Variants in ANKRD44 observed in about 807,000 individuals in gnomAD.
ANKRD44 encodes the protein ankyrin repeat domain 44, also known as serine/threonine-protein phosphatase 6 regulatory ankyrin repeat subunit B.
In ANKRD44, 35 loss-of-function variants were observed where a neutral mutation model predicts 116.0. The observed-to-expected ratio is 0.30, with a 90% CI of 0.23 to 0.40. The LOEUF (loss-of-function observed/expected upper bound fraction) is 0.40. Among genes scored for constraint, ANKRD44 ranks in the 10% least tolerant of loss-of-function variants. The pLI is 1.00. For missense variants in ANKRD44, 1,014 were observed against 1,242.6 expected (o/e 0.82, Z 2.77); for synonymous variants, 435 against 461.8 (o/e 0.94, Z 0.74).
chr2:197,279,014 T>C (rs2083187175), intron 1 of ANKRD44, among the ~76,000 whole-genome samples: 1 of 152,220 alleles, frequency 6.6e-6, no homozygotes, highest in Non-Finnish European at 1.5e-5. Context: ...TCTCATGTGT[T>C]GTGAGAAGGT....
intron 1 of ANKRD44, among the ~76,000 whole-genome samples, chr2:197,300,115 A>C (rs1406436865): frequency 6.6e-6 from 1 of 152,256 alleles, no homozygotes; most frequent in Non-Finnish European, 1.5e-5. Flanking sequence ...CAACAAATGG[A>C]AACAATGAGT....
intron 2 of ANKRD44, among the ~76,000 whole-genome samples, chr2:197,149,888 A>G (rs1350763977): frequency 6.6e-6 from 1 of 152,164 alleles, no homozygotes. Context: ...GGAATAGGAG[A>G]TGGAATAGAA....
At chr2:196,972,842 T>C (rs1360778906) in intron 21 of ANKRD44, among the ~76,000 whole-genome samples, 1 of 152,242 alleles carries the variant, frequency 6.6e-6, no homozygotes, top group African/African-American at 2.4e-5. Flanking sequence ...GTTGAAAGGG[T>C]ATGTATAATT....
intron 1 of ANKRD44, among the ~76,000 whole-genome samples, chr2:197,270,918 G>A (rs924055982): frequency 6.6e-6 from 1 of 152,162 alleles, no homozygotes; most frequent in Non-Finnish European, 1.5e-5. Context: ...TCACTACAGT[G>A]GCTTTAGAAA....
intron 21 of ANKRD44, among the ~76,000 whole-genome samples, chr2:197,002,607 G>A (rs147685532): frequency 3.9e-5 from 6 of 152,294 alleles, no homozygotes; most frequent in African/African-American, 1.4e-4. Context: ...TCAATAAAGG[G>A]CCTCAGTGTG....
chr2:197,144,800 G>A (rs761907783), intron 3 of ANKRD44, among the ~76,000 whole-genome samples: 95 of 152,094 alleles, frequency 6.2e-4, no homozygotes, highest in Admixed American at 1.1e-3. Context: ...GTGAAACCAT[G>A]TTTGTCAAAC....
At chr2:197,034,796 C>T (rs565369020) in intron 16 of ANKRD44, among the ~76,000 whole-genome samples, 2 of 152,040 alleles carry the variant, frequency 1.3e-5, no homozygotes, top group South Asian at 4.2e-4. Flanking sequence ...CAAACTCCTA[C>T]TGAGAAGTGA....
At chr2:196,990,970 C>G in intron 27 of ANKRD44, 1 of 1,230,908 alleles carries the variant, frequency 8.1e-7, no homozygotes, top group South Asian at 4.1e-5. Flanking sequence ...TCCTGGGGAG[C>G]CTAGAGGAGG....
chr2:197,075,947 A>G (rs1176071707), intron 16 of ANKRD44, among the ~76,000 whole-genome samples: 1 of 152,128 alleles, frequency 6.6e-6, no homozygotes, highest in Non-Finnish European at 1.5e-5. Flanking sequence ...CCAAAGACAC[A>G]TTTCATCAGC....
At chr2:197,283,803 G>A (rs982150076) in intron 1 of ANKRD44, among the ~76,000 whole-genome samples, 1 of 152,306 alleles carries the variant, frequency 6.6e-6, no homozygotes, top group African/African-American at 2.4e-5. Flanking sequence ...GGGGCAGGGA[G>A]TAAAGCTTGG....
In ANKRD44 at chr2:197,020,774, CT is replaced by C. The variant is rs547331418; in HGVS notation, c.1722+4421del. On this transcript the variant is annotated intron_variant, in intron 17 of 27. Transcript: ENST00000282272. ...AAGCCTTATTAGGTAACAATTATTTCTTTTTTTTTATAATTATATATGGAGT... is the reference window on the plus strand; with the variant it reads ...AAGCCTTATTAGGTAACAATTATTTCTTTTTTTTATAATTATATATGGAGT... Among the ~76,000 whole-genome samples the C allele has an allele frequency of 4.6e-3, 693 of 149,962 alleles. 7 individuals are homozygous for C. Among genetic ancestry groups the C allele is most frequent in the African/African-American group, 0.016 (651 of 40,140 alleles).
chr2:196,972,344 C>T (rs1007172178), intron 21 of ANKRD44, among the ~76,000 whole-genome samples: 1 of 152,180 alleles, frequency 6.6e-6, no homozygotes, highest in African/African-American at 2.4e-5. Flanking sequence ...GCTGGGACTA[C>T]AAGCGTGTGC....
At chr2:197,210,727 G>A (rs1374423461) in intron 1 of ANKRD44, among the ~76,000 whole-genome samples, 1 of 152,198 alleles carries the variant, frequency 6.6e-6, no homozygotes, top group Non-Finnish European at 1.5e-5. Context: ...GGAATGGCAT[G>A]TGTCATCCTC....
intron 8 of ANKRD44, among the ~76,000 whole-genome samples, chr2:197,111,818 A>G (rs1323739233): frequency 6.6e-6 from 1 of 152,146 alleles, no homozygotes; most frequent in Non-Finnish European, 1.5e-5. Context: ...TTATTGTTCC[A>G]AAAGAGAATC....
chr2:197,098,132 T>C (rs1490841946), intron 10 of ANKRD44, among the ~76,000 whole-genome samples: 7 of 152,158 alleles, frequency 4.6e-5, no homozygotes, highest in African/African-American at 1.2e-4. Flanking sequence ...TCCAGAAAAT[T>C]AGTATCTCTC....
chr2:197,116,146 C>T (rs991414021), intron 8 of ANKRD44, among the ~76,000 whole-genome samples: 1 of 152,168 alleles, frequency 6.6e-6, no homozygotes, highest in South Asian at 2.1e-4. Context: ...CTTATCCAAT[C>T]TGAACTGACC....
At chr2:197,064,047 G>C (rs1184817154) in intron 16 of ANKRD44, among the ~76,000 whole-genome samples, 1 of 152,240 alleles carries the variant, frequency 6.6e-6, no homozygotes, top group Non-Finnish European at 1.5e-5. Context: ...AGGGCAGTCA[G>C]AGAGAAACGT....
At chr2:197,245,461 C>G (rs971177570) in intron 1 of ANKRD44, among the ~76,000 whole-genome samples, 3 of 152,074 alleles carry the variant, frequency 2.0e-5, no homozygotes, top group Non-Finnish European at 4.4e-5. Context: ...GTCCTGGAAC[C>G]AATACCCCAT....
intron 2 of ANKRD44, among the ~76,000 whole-genome samples, chr2:197,160,860 G>T (rs541377112): frequency 6.6e-6 from 1 of 152,214 alleles, no homozygotes; most frequent in South Asian, 2.1e-4. Context: ...TCAACCCCAA[G>T]CCAGAACATC....
Sources: gnomAD v4.1 joint callset for allele counts (sites outside exome capture counted in the v4.1 genomes callset) on GRCh38, gnomAD v4.1.1 for gene constraint, MANE v1.5 for transcripts, NCBI Gene and HGNC (gene_info 2026-07-23, HGNC 2026-07-21) for gene names.